UST: variants seen among roughly 807,000 people sequenced by gnomAD.
UST encodes chondroitin sulfate 2-O-sulfotransferase.
In UST, 21 loss-of-function variants were observed where a neutral mutation model predicts 45.6. The observed-to-expected ratio is 0.46, with a 90% CI of 0.33 to 0.66. UST has a LOEUF of 0.66. UST is among the 30% of genes least tolerant of loss of function. The pLI, the probability that UST is intolerant of heterozygous loss-of-function variation, is 0.02. For synonymous variants in UST, 215 were observed against 200.6 expected, an observed-to-expected ratio of 1.07 and a Z score of -0.61; for missense variants, 463 against 512.4, an observed-to-expected ratio of 0.90 and a Z score of 0.93.
intron 7 of UST, among the ~76,000 whole-genome samples, chr6:149,040,291 C>A (rs1457610349): frequency 6.6e-6 from 1 of 152,140 alleles, no homozygotes; most frequent in Non-Finnish European, 1.5e-5. Context: ...GTATTTTGAT[C>A]TGATTTTTAC....
At chr6:148,949,580 A>G (rs1045830433) in intron 3 of UST, among the ~76,000 whole-genome samples, 2 of 152,154 alleles carry the variant, frequency 1.3e-5, no homozygotes, top group Non-Finnish European at 1.5e-5. Flanking sequence ...ATGTGACACC[A>G]GGATAATGAA....
intron 1 of UST, among the ~76,000 whole-genome samples, chr6:148,803,054 T>C (rs966667044): frequency 2.0e-5 from 3 of 152,162 alleles, no homozygotes; most frequent in Non-Finnish European, 4.4e-5. Context: ...TTAGAGAGTG[T>C]GTCTTCCTAA....
Position 149,003,448 on chromosome 6 carries a change from A to AC in UST, c.682-15691_682-15690insC, listed in dbSNP as rs1359045450. Among the ~76,000 whole-genome samples the AC allele has an allele frequency of 5.3e-5, 8 of 151,994 alleles. 2 individuals carry two copies. The South Asian group carries it at 1.5e-3, about 28-fold the overall frequency. Reference sequence around the variant, plus strand: ...CCAATTTGGTAAAAAACAAAACAAAAAAAAAAAACATTAAGGCACCTAGTA... The same window carrying AC: ...CCAATTTGGTAAAAAACAAAACAAAACAAAAAAAACATTAAGGCACCTAGTA... On this transcript the variant is annotated intron_variant, in intron 5 of 7. Coordinates refer to ENST00000367463, the MANE Select transcript of UST (RefSeq NM_005715.3).
chr6:149,001,906 G>A (rs886168264), intron 5 of UST, among the ~76,000 whole-genome samples: 1 of 152,060 alleles, frequency 6.6e-6, no homozygotes, highest in African/African-American at 2.4e-5. Context: ...TCTCCGATTT[G>A]GAGGAATATA....
At chr6:148,909,941 T>C (rs181322935) in intron 2 of UST, among the ~76,000 whole-genome samples, 17 of 152,338 alleles carry the variant, frequency 1.1e-4, no homozygotes, top group African/African-American at 4.1e-4. Flanking sequence ...TAGAAAGAAC[T>C]AGCAAAGCTT....
intron 5 of UST, chr6:148,990,525 G>A (rs1318379872): frequency 2.0e-5 from 10 of 501,444 alleles, no homozygotes; most frequent in South Asian, 8.6e-5. Context: ...ATATTCAGAC[G>A]TTCAGATTCA....
intron 1 of UST, among the ~76,000 whole-genome samples, chr6:148,781,428 G>A (rs1776642359): frequency 6.6e-6 from 1 of 152,218 alleles, no homozygotes; most frequent in African/African-American, 2.4e-5. Flanking sequence ...TGAGAGAGGT[G>A]AGGAAGCTGC....
chr6:148,975,035 G>C (rs143746928), intron 5 of UST, among the ~76,000 whole-genome samples: 1 of 152,288 alleles, frequency 6.6e-6, no homozygotes, highest in African/African-American at 2.4e-5. Flanking sequence ...AACTAAAAAG[G>C]AAACTTTGAT....
At chr6:149,028,578 A>C (rs79515926) in intron 7 of UST, among the ~76,000 whole-genome samples, 2,130 of 152,336 alleles carry the variant, frequency 0.014, 49 homozygotes, top group African/African-American at 0.048. Context: ...TTTAAGAAAC[A>C]ATATTTCTGT....
chr6:149,001,693 G>A (rs2115003755), intron 5 of UST, among the ~76,000 whole-genome samples: 1 of 152,254 alleles, frequency 6.6e-6, no homozygotes, highest in South Asian at 2.1e-4. Flanking sequence ...TTCATTAAAA[G>A]CATTATTAAA....
At chr6:149,007,151 A>C in intron 5 of UST, among the ~76,000 whole-genome samples, 1 of 115,666 alleles carries the variant, frequency 8.6e-6, no homozygotes, top group African/African-American at 3.5e-5. Flanking sequence ...ATGGAGTCTC[A>C]CTCTGTTGCC....
chr6:149,014,261 G>C (rs1013412615), intron 5 of UST, among the ~76,000 whole-genome samples: 2 of 152,222 alleles, frequency 1.3e-5, no homozygotes, highest in Non-Finnish European at 2.9e-5. Flanking sequence ...AGGTGGGTGG[G>C]AAGGTTATTT....
intron 1 of UST, among the ~76,000 whole-genome samples, chr6:148,830,296 C>T (rs546723193): frequency 6.6e-6 from 1 of 152,342 alleles, no homozygotes; most frequent in South Asian, 2.1e-4. Flanking sequence ...CATTCAAAAA[C>T]TGTATTTTCT....
At chr6:148,896,723 C>G (rs1273216098) in intron 2 of UST, among the ~76,000 whole-genome samples, 3 of 152,100 alleles carry the variant, frequency 2.0e-5, no homozygotes, top group African/African-American at 7.2e-5. Context: ...CTCACCCACC[C>G]CTTAGGCTGA....
intron 5 of UST, among the ~76,000 whole-genome samples, chr6:148,993,457 A>C (rs1022235998): frequency 1.3e-5 from 2 of 152,176 alleles, no homozygotes; most frequent in Non-Finnish European, 2.9e-5. Flanking sequence ...GACTTATTAT[A>C]CTTGGAGAAA....
chr6:148,767,214 T>G (rs1227231744), intron 1 of UST, among the ~76,000 whole-genome samples: 2 of 152,286 alleles, frequency 1.3e-5, no homozygotes, highest in Non-Finnish European at 2.9e-5. Flanking sequence ...ATTAAAGATC[T>G]GTGCTATTAA....
chr6:148,902,612 TC>T (rs1206217036), intron 2 of UST, among the ~76,000 whole-genome samples: 1 of 152,022 alleles, frequency 6.6e-6, no homozygotes, highest in East Asian at 1.9e-4. Context: ...CTCCTGGCCT[TC>T]AGTCATCCTC....
At chr6:148,906,756 A>G (rs1779370710) in intron 2 of UST, among the ~76,000 whole-genome samples, 1 of 152,180 alleles carries the variant, frequency 6.6e-6, no homozygotes, top group Non-Finnish European at 1.5e-5. Flanking sequence ...AAGGGATCCT[A>G]TTTGATAGGG....
rs1775888537 is a variant in UST at position 148,747,482 on chromosome 6, G to A, written c.52G>A (p.Gly18Arg). ...CGGCGGCGCGGATCCCTGGCCCCAT[G>A]GGGCCCCTATGGGGGGCGCCCCTCC... is the stretch of plus-strand genomic sequence containing the variant. ...PGGGADPWPH[G>R]APMGGAPPGL... Residue 18 changes from glycine to arginine, a missense_variant, in exon 1 of 8, where the codon GGG (glycine) becomes AGG (arginine). Physicochemically the swap from Gly to Arg is moderately radical, Grantham distance 125 (BLOSUM62 -2). This residue lies in a region of UST where 176 missense variants were observed against 138.3 expected (regional missense o/e 1.27). Transcript: ENST00000367463. The A allele has an allele frequency of 1.3e-6, 2 of 1,491,680 alleles. No individual in the cohort carries two copies. The highest frequency in any genetic ancestry group is 1.8e-6 in the Non-Finnish European group (2 of 1,120,392). 92.4% of individuals were successfully genotyped at this position (1,491,680 alleles called of 1,614,324 possible).
Sources: gnomAD v4.1 joint callset for allele counts (sites outside exome capture counted in the v4.1 genomes callset) on GRCh38, gnomAD v4.1.1 for gene constraint, gnomAD v4.1.1 regional missense constraint, MANE v1.5 for transcripts, NCBI Gene and HGNC (gene_info 2026-07-23, HGNC 2026-07-21) for gene names.